Variants in MICAL3 observed in about 807,000 individuals in gnomAD.
MICAL3 encodes [F-actin]-monooxygenase MICAL3.
In MICAL3, 62 loss-of-function variants were observed where a neutral mutation model predicts 207.4. The ratio of observed to expected loss-of-function variants is 0.30; its 90% CI spans 0.24 to 0.37. The LOEUF (loss-of-function observed/expected upper bound fraction) is 0.37, where lower values mean the gene tolerates loss of function less well. Among genes scored for constraint, MICAL3 ranks in the 10% least tolerant of loss-of-function variants. MICAL3 has a pLI of 1.00. For missense variants in MICAL3, 2,368 were observed against 2,635.6 expected, an observed-to-expected ratio of 0.90 and a Z score of 2.22; for synonymous variants, 1,077 against 1,069.3, an observed-to-expected ratio of 1.01 and a Z score of -0.14.
Position 17,818,728 on chromosome 22 carries a change from G to A in MICAL3, c.3933C>T (p.Pro1311=). Residue 1311 remains proline, a synonymous_variant, in exon 26 of 32, where the codon CCC becomes CCT. Coordinates refer to ENST00000441493, the MANE Select transcript of MICAL3 (RefSeq NM_015241.3). The part of the protein sequence containing the change: ...QSDTKDRLGS[P]LAVDEALRRS... Reference sequence around the variant, plus strand: ...GTCTGAGGGCCTCATCCACAGCAAGGGGGCTGCCCAGTCTGTCCTTGGTGT... The same window carrying A: ...GTCTGAGGGCCTCATCCACAGCAAGAGGGCTGCCCAGTCTGTCCTTGGTGT... 6.2e-7 allele frequency: 1 copy of A among 1,610,498 alleles called. No homozygotes were observed. Among genetic ancestry groups the A allele is most frequent in the Non-Finnish European group, 8.5e-7 (1 of 1,177,468 alleles).
rs778695679 is a variant in MICAL3 at position 17,904,642 on chromosome 22, G to A, written c.462C>T (p.Ile154=). Residue 154 remains isoleucine (I), a synonymous_variant, in exon 3 of 32, where the codon ATC becomes ATT. Transcript: ENST00000441493. ...KFYGKFCAGA[I]DHISIRQLQL... is the part of the protein sequence containing the mutation. ...GCTAGTTTTACTTACTGATATGGTCGATGGCTCCAGCACAGAACTTGCCAT... is the reference window on the plus strand; with the variant it reads ...GCTAGTTTTACTTACTGATATGGTCAATGGCTCCAGCACAGAACTTGCCAT... 9.9e-6 allele frequency: 16 copies of A among 1,612,952 alleles called. No individual in the cohort carries two copies. Among genetic ancestry groups the A allele is most frequent in the African/African-American group, 4.0e-5 (3 of 74,902 alleles).
Position 17,902,809 on chromosome 22 carries a change from C to A in MICAL3, c.473-62G>T. On this transcript the variant is annotated intron_variant, in intron 3 of 31. Transcript: ENST00000441493. This position sits in a 1 kb window ranked among gnomAD's most constrained non-coding sequence, Gnocchi z 4.5. ...TGGAGAAGGGGGTACCCATCCGTGT[C>A]GCAGCTCAGGCTCCCACCCCGCCAC... 9.4e-7 allele frequency: 1 copy of A among 1,058,676 alleles called. No individual in the cohort carries two copies. The highest frequency in any genetic ancestry group is 1.4e-5 in the South Asian group (1 of 70,190). The allele number at this position is 1,058,676 out of a possible 1,614,324, so 65.6% of individuals were successfully genotyped here. A position where few individuals can be genotyped will look rare whatever the true frequency, so the allele number is the denominator to read the frequency against.
intron 28 of MICAL3, among the ~76,000 whole-genome samples, chr22:17,810,352 C>T (rs577057797): frequency 4.3e-4 from 65 of 152,240 alleles, no homozygotes; most frequent in South Asian, 1.9e-3. Flanking sequence ...CATGAGCCAC[C>T]GCACCCAGCC....
Position 17,926,458 on chromosome 22 carries a change from C to T in MICAL3, c.-74-19572G>A, listed in dbSNP as rs191503081. Among the ~76,000 whole-genome samples the T allele has an allele frequency of 2.0e-5, 3 of 152,356 alleles. No individual in the cohort carries two copies. The East Asian group carries it at 5.8e-4, about 29-fold the overall frequency. On this transcript the variant is annotated intron_variant, in intron 1 of 31. Coordinates refer to ENST00000441493, the MANE Select transcript of MICAL3 (RefSeq NM_015241.3). Reference sequence around the variant, plus strand: ...CTAAGTAAAGAGGATGCTCAGGGCTCTGTCCTTGGCCCTCTTTCTATTTTG... The same window carrying T: ...CTAAGTAAAGAGGATGCTCAGGGCTTTGTCCTTGGCCCTCTTTCTATTTTG...
chr22:18,015,422 C>CTTTTTTTT (rs34098867), intron 1 of MICAL3, among the ~76,000 whole-genome samples: 21 of 105,570 alleles, frequency 2.0e-4, no homozygotes, highest in Non-Finnish European at 2.0e-4. Flanking sequence ...TAAGACTCAT[C>CTTTTTTTT]TTTTTTTTTT....
At chr22:17,959,954 A>C (rs1934820322) in intron 1 of MICAL3, among the ~76,000 whole-genome samples, 1 of 152,182 alleles carries the variant, frequency 6.6e-6, no homozygotes, top group Non-Finnish European at 1.5e-5. Flanking sequence ...TACCTTCAAG[A>C]CTCAATGGCA....
chr22:17,901,763 A>T (rs925150045), intron 5 of MICAL3, 115 bp downstream of exon 5: 1 of 669,878 alleles, frequency 1.5e-6, no homozygotes, highest in African/African-American at 1.8e-5. Flanking sequence ...GGCAGGAAGC[A>T]CACATTCAGG....
chr22:17,864,666 A>G, intron 19 of MICAL3: 2 of 1,604,684 alleles, frequency 1.2e-6, no homozygotes, highest in Non-Finnish European at 1.7e-6. Context: ...ACTGGGCCAC[A>G]GCCTGCCAGT....
At chr22:17,863,121 T>A (rs939589034) in intron 19 of MICAL3, 1 of 985,302 alleles carries the variant, frequency 1.0e-6, no homozygotes, top group African/African-American at 1.7e-5. Context: ...CCTAAAAACC[T>A]GAAACCCATT....
intron 19 of MICAL3, chr22:17,860,887 AACAAGC>A (rs1366614620): frequency 2.0e-6 from 2 of 985,332 alleles, no homozygotes; most frequent in African/African-American, 3.5e-5. Context: ...CAGAACCAGG[AACAAGC>A]AGCTTTAGAA....
At chr22:18,014,333 G>A (rs1471060691) in intron 1 of MICAL3, among the ~76,000 whole-genome samples, 1 of 152,154 alleles carries the variant, frequency 6.6e-6, no homozygotes, top group South Asian at 2.1e-4. Flanking sequence ...TATTTATCTC[G>A]AGGTTATGTA....
At chr22:17,859,101 C>A (rs1393322767) in intron 19 of MICAL3, among the ~76,000 whole-genome samples, 2 of 152,096 alleles carry the variant, frequency 1.3e-5, no homozygotes, top group Non-Finnish European at 2.9e-5. Context: ...CAGGAGACAC[C>A]GCCCAGACTC....
At chr22:17,884,349 CTT>C in intron 16 of MICAL3, 1 of 1,591,026 alleles carries the variant, frequency 6.3e-7, no homozygotes, top group South Asian at 1.1e-5. Flanking sequence ...GCCCCACGCT[CTT>C]GTGTCAGCTG....
intron 20 of MICAL3, chr22:17,834,657 C>T (rs11705197): frequency 0.32 from 320,657 of 999,102 alleles, 52,353 homozygotes; most frequent in Non-Finnish European, 0.33. Flanking sequence ...AACACAAGCA[C>T]GGTGGGCGGA....
At chr22:17,844,664 T>C (rs959406743) in intron 19 of MICAL3, among the ~76,000 whole-genome samples, 2 of 152,242 alleles carry the variant, frequency 1.3e-5, no homozygotes, top group Non-Finnish European at 2.9e-5. Flanking sequence ...TTGAGTTCAC[T>C]TGTGCCCTGT....
intron 20 of MICAL3, among the ~76,000 whole-genome samples, chr22:17,839,182 C>T (rs1923719720): frequency 6.6e-6 from 1 of 151,414 alleles, no homozygotes. Context: ...CTCCTGGGCT[C>T]AGGTGATCTG....
intron 1 of MICAL3, among the ~76,000 whole-genome samples, chr22:17,948,826 T>C (rs962485936): frequency 2.7e-5 from 4 of 148,736 alleles, no homozygotes; most frequent in African/African-American, 1.0e-4. Flanking sequence ...GGTGGGAGGA[T>C]AGCTTGAGCC....
chr22:17,863,447 T>C (rs1243412878), intron 19 of MICAL3: 1 of 985,348 alleles, frequency 1.0e-6, no homozygotes, highest in Admixed American at 6.1e-5. Flanking sequence ...CTACCAGTGA[T>C]TCTGCCCATG....
chr22:17,954,636 A>G (rs568096623), intron 1 of MICAL3, among the ~76,000 whole-genome samples: 3 of 152,318 alleles, frequency 2.0e-5, no homozygotes, highest in African/African-American at 4.8e-5. Context: ...ACGTTAAACC[A>G]TGCCTGGAAC....
Sources: allele counts gnomAD v4.1 joint callset (sites outside exome capture counted in the v4.1 genomes callset), GRCh38; gene constraint gnomAD v4.1.1; non-coding constraint Gnocchi (gnomAD v3.1); transcripts MANE v1.5; gene names NCBI Gene and HGNC (gene_info 2026-07-23, HGNC 2026-07-21).